The following CADM2 variants were observed in gnomAD, a reference collection of about 807,000 sequenced individuals.
CADM2 encodes cell adhesion molecule 2, also known as immunoglobulin superfamily member 4D.
In CADM2, 12 loss-of-function variants were observed where a neutral mutation model predicts 49.8. The ratio of observed to expected loss-of-function variants is 0.24; its 90% CI spans 0.15 to 0.39. The LOEUF is 0.39. Ranked by LOEUF, CADM2 falls within the 10% of genes least tolerant of loss-of-function variation. The pLI is 1.00. For missense variants in CADM2, 378 were observed against 492.3 expected (o/e 0.77, Z 2.20); for synonymous variants, 214 against 175.4 (o/e 1.22, Z -1.74).
At chr3:85,962,025 CT>C (rs1724888901) in intron 8 of CADM2, among the ~76,000 whole-genome samples, 1 of 151,802 alleles carries the variant, frequency 6.6e-6, no homozygotes, top group Admixed American at 6.6e-5. Context: ...CAGTCTCCAC[CT>C]CCCGGGTTCA....
intron 2 of CADM2, among the ~76,000 whole-genome samples, chr3:85,750,434 A>G (rs2068813084): frequency 6.6e-6 from 1 of 152,138 alleles, no homozygotes; most frequent in African/African-American, 2.4e-5. Flanking sequence ...GACTGAAAAT[A>G]CAAATATTCT....
chr3:85,419,607 G>C (rs1189143559), intron 1 of CADM2, among the ~76,000 whole-genome samples: 1 of 152,124 alleles, frequency 6.6e-6, no homozygotes, highest in Admixed American at 6.5e-5. Flanking sequence ...AAGCTAGATG[G>C]AATAAAGAGA....
intron 3 of CADM2, among the ~76,000 whole-genome samples, chr3:85,817,383 A>C (rs2073275163): frequency 6.6e-6 from 1 of 152,214 alleles, no homozygotes; most frequent in Non-Finnish European, 1.5e-5. Flanking sequence ...TTGGACTTTC[A>C]AAGTCCCATC....
intron 1 of CADM2, among the ~76,000 whole-genome samples, chr3:85,289,947 C>G (rs1438304228): frequency 6.6e-6 from 1 of 152,152 alleles, no homozygotes; most frequent in African/African-American, 2.4e-5. Flanking sequence ...GCCAAGATGG[C>G]TGAATAGGAA....
intron 1 of CADM2, among the ~76,000 whole-genome samples, chr3:85,271,783 C>A (rs780199284): frequency 6.6e-6 from 1 of 150,570 alleles, no homozygotes; most frequent in Non-Finnish European, 1.5e-5. Context: ...AAGACAAAAC[C>A]CAAAAATAAA....
intron 1 of CADM2, among the ~76,000 whole-genome samples, chr3:85,428,537 C>T (rs531364242): frequency 1.7e-4 from 24 of 142,628 alleles, no homozygotes; most frequent in African/African-American, 6.1e-4. Context: ...TATACACACA[C>T]ATAAATAAAT....
chr3:85,858,340 T>A (rs2108313753), intron 3 of CADM2, among the ~76,000 whole-genome samples: 1 of 152,342 alleles, frequency 6.6e-6, no homozygotes, highest in East Asian at 1.9e-4. Context: ...ACAATTTTCT[T>A]GTTATAAAAT....
At chr3:85,871,605 T>C (rs1577526272) in intron 3 of CADM2, among the ~76,000 whole-genome samples, 1 of 152,274 alleles carries the variant, frequency 6.6e-6, no homozygotes, top group African/African-American at 2.4e-5. Context: ...TAAGTCTCAA[T>C]GAGCTATTGT....
chr3:86,064,662 T>C (rs1481769807), intron 8 of CADM2, among the ~76,000 whole-genome samples: 2 of 152,266 alleles, frequency 1.3e-5, no homozygotes, highest in East Asian at 3.9e-4. Flanking sequence ...ATGCTCATCA[T>C]CACTGGCCAT....
At chr3:85,513,373 A>C (rs2106850822) in intron 1 of CADM2, among the ~76,000 whole-genome samples, 1 of 152,182 alleles carries the variant, frequency 6.6e-6, no homozygotes, top group African/African-American at 2.4e-5. Flanking sequence ...TATTTTAATT[A>C]ATCAAGACCC....
intron 2 of CADM2, among the ~76,000 whole-genome samples, chr3:85,773,822 T>G (rs1425788664): frequency 6.6e-6 from 1 of 151,984 alleles, no homozygotes; most frequent in Non-Finnish European, 1.5e-5. Context: ...ATGGAAAGTA[T>G]TACTAAATAA....
intron 7 of CADM2, among the ~76,000 whole-genome samples, chr3:85,947,770 G>C (rs1303928548): frequency 1.3e-5 from 2 of 151,380 alleles, no homozygotes; most frequent in Admixed American, 1.3e-4. Flanking sequence ...TATTTAGGCT[G>C]GGCATGGGCA....
intron 1 of CADM2, among the ~76,000 whole-genome samples, chr3:85,375,224 G>T (rs964145522): frequency 2.6e-5 from 4 of 152,100 alleles, no homozygotes; most frequent in Non-Finnish European, 5.9e-5. Flanking sequence ...TTCGAGAAGT[G>T]GAATACTATG....
Position 84,959,511 on chromosome 3 carries a change from G to C in CADM2, c.-97G>C. On this transcript the variant is annotated 5_prime_UTR_variant, in exon 1 of 10. Transcript: ENST00000383699. ...GGGGACGGTGGGTCCGGCGGGCGCC[G>C]GGAGGAGGACACCAGCGGAGCCCTG... The C allele has an allele frequency of 1.6e-5, 19 of 1,224,312 alleles. No homozygotes were observed. The highest frequency in any genetic ancestry group is 2.1e-5 in the Non-Finnish European group (18 of 874,062). The allele number at this position is 1,224,312 out of a possible 1,614,324, so 75.8% of individuals were successfully genotyped here.
At position 86,072,213 on chromosome 3, in the gene CADM2, A is replaced by G. The variant is rs186833086; in HGVS notation, c.*5430A>G. The G allele has an allele frequency of 1.3e-5, 2 of 151,914 alleles. No individual in the cohort carries two copies. The highest frequency in any genetic ancestry group is 3.9e-4 in the East Asian group (2 of 5,172). 9.4% of individuals were successfully genotyped at this position (151,914 alleles called of 1,614,324 possible). A position where few individuals can be genotyped will look rare whatever the true frequency, so the allele number is the denominator to read the frequency against. ...AATGGTTAATCTCTAAAATATGCTTAAAGTAAGATGTTTCTATGTTATGTG... is the reference window on the plus strand; with the variant it reads ...AATGGTTAATCTCTAAAATATGCTTGAAGTAAGATGTTTCTATGTTATGTG... On this transcript the variant is annotated 3_prime_UTR_variant, in exon 10 of 10. Transcript: ENST00000383699.
intron 1 of CADM2, among the ~76,000 whole-genome samples, chr3:85,664,603 A>G (rs1455691434): frequency 2.6e-5 from 4 of 151,868 alleles, no homozygotes. Context: ...TTTTTTCCTT[A>G]TAATAGCCAC....
At chr3:85,979,218 C>T (rs1255110868) in intron 8 of CADM2, 1 of 1,610,918 alleles carries the variant, frequency 6.2e-7, no homozygotes, top group East Asian at 2.2e-5. Context: ...ACCACTGCAA[C>T]AGTCACAACC....
chr3:85,923,805 G>A (rs960335090), intron 6 of CADM2, among the ~76,000 whole-genome samples: 3 of 152,124 alleles, frequency 2.0e-5, no homozygotes, highest in Non-Finnish European at 4.4e-5. Context: ...GTGGTTATCG[G>A]CAATTGAAGT....
intron 1 of CADM2, among the ~76,000 whole-genome samples, chr3:85,238,008 A>G (rs1035783366): frequency 2.0e-5 from 3 of 151,924 alleles, no homozygotes; most frequent in African/African-American, 7.2e-5. Flanking sequence ...TATAGAAATA[A>G]TAACAATAAC....
Sources: allele counts gnomAD v4.1 joint callset (sites outside exome capture counted in the v4.1 genomes callset), GRCh38; gene constraint gnomAD v4.1.1; transcripts MANE v1.5; gene names NCBI Gene and HGNC (gene_info 2026-07-23, HGNC 2026-07-21).